The following UBAP2L variants were observed in gnomAD, a reference collection of about 807,000 sequenced individuals.
UBAP2L encodes ubiquitin-associated protein 2-like.
In UBAP2L, 12 loss-of-function variants were observed where a neutral mutation model predicts 130.6. That is an observed-to-expected ratio of 0.09 (90% CI 0.06 to 0.15). UBAP2L has a LOEUF of 0.15. UBAP2L is among the 10% of genes least tolerant of loss of function. The pLI, the probability that UBAP2L is intolerant of heterozygous loss-of-function variation, is 1.00. For synonymous variants in UBAP2L, 503 were observed against 524.7 expected, an observed-to-expected ratio of 0.96 and a Z score of 0.57; for missense variants, 965 against 1,332.5, an observed-to-expected ratio of 0.72 and a Z score of 4.29.
chr1:154,259,460 G>T (rs1680780397), intron 21 of UBAP2L, among the ~76,000 whole-genome samples: 1 of 151,848 alleles, frequency 6.6e-6, no homozygotes, highest in African/African-American at 2.4e-5. Context: ...CCTAAGTGCT[G>T]AGCTTATAGG....
intron 25 of UBAP2L, among the ~76,000 whole-genome samples, chr1:154,267,548 G>T (rs2149097205): frequency 6.6e-6 from 1 of 150,898 alleles, no homozygotes; most frequent in South Asian, 2.1e-4. Context: ...AAGTCACCCA[G>T]GCTGGAGTGC....
chr1:154,246,429 A>T, intron 11 of UBAP2L, 54 bp downstream of exon 11: 1 of 1,551,412 alleles, frequency 6.4e-7, no homozygotes, highest in Non-Finnish European at 8.8e-7. Context: ...ATCCTAGCAC[A>T]CATACACAGT....
At chr1:154,223,150 C>T (rs1167507254) in intron 1 of UBAP2L, among the ~76,000 whole-genome samples, 1 of 152,114 alleles carries the variant, frequency 6.6e-6, no homozygotes, top group African/African-American at 2.4e-5. Flanking sequence ...CATTTCGAAG[C>T]ACTTGTAAGA....
chr1:154,245,249 C>G (rs1422623975), intron 10 of UBAP2L, among the ~76,000 whole-genome samples: 1 of 152,142 alleles, frequency 6.6e-6, no homozygotes, highest in African/African-American at 2.4e-5. Context: ...AGTGACCAAC[C>G]CTCATCCTGA....
chr1:154,243,429 A>T, intron 10 of UBAP2L, 127 bp downstream of exon 10: 1 of 688,764 alleles, frequency 1.5e-6, no homozygotes, highest in Non-Finnish European at 2.3e-6. Flanking sequence ...ACATTACATC[A>T]TTACATTCCT....
At chr1:154,267,880 C>CTTTTTTTTT (rs869153080) in intron 25 of UBAP2L, among the ~76,000 whole-genome samples, 566 of 52,082 alleles carry the variant, frequency 0.011, 90 homozygotes, top group East Asian at 0.016. Flanking sequence ...CTTATTTGGT[C>CTTTTTTTTT]TTTTTTTTTT....
At chr1:154,220,685 A>G (rs1665590680), upstream of UBAP2L, 1 of 491,790 alleles carries the variant, frequency 2.0e-6, no homozygotes, top group East Asian at 3.6e-5. Context: ...CGACAGTAAG[A>G]GGAAGCGGCG....
Position 154,249,481 on chromosome 1 carries a change from A to G in UBAP2L, c.1213+44A>G, listed in dbSNP as rs770225980. ...ACTTGAATCTTTAAAGCATTGGAGCATTACTGTCAAGAGGCTAGCAGGGGG... is the reference window on the plus strand; with the variant it reads ...ACTTGAATCTTTAAAGCATTGGAGCGTTACTGTCAAGAGGCTAGCAGGGGG... On this transcript the variant is annotated intron_variant, in intron 12 of 26. Coordinates refer to ENST00000428931, the MANE Select transcript of UBAP2L (RefSeq NM_014847.4). The G allele has an allele frequency of 2.9e-5, 47 of 1,610,550 alleles. 1 individual carries two copies. In the South Asian group the frequency reaches 4.8e-4, roughly 17 times the overall value.
chr1:154,262,455 C>T (rs996784299), intron 24 of UBAP2L, among the ~76,000 whole-genome samples: 1 of 152,130 alleles, frequency 6.6e-6, no homozygotes, highest in Non-Finnish European at 1.5e-5. Context: ...TATAATTGTA[C>T]CTTTTCAGCG....
intron 8 of UBAP2L, among the ~76,000 whole-genome samples, chr1:154,241,026 T>C (rs1673402490): frequency 6.8e-6 from 1 of 147,558 alleles, no homozygotes; most frequent in Non-Finnish European, 1.5e-5. Context: ...CTCTGAGATA[T>C]CCTTTTCTAA....
intron 8 of UBAP2L, among the ~76,000 whole-genome samples, chr1:154,237,864 A>C (rs1191264683): frequency 6.6e-6 from 1 of 152,204 alleles, no homozygotes; most frequent in African/African-American, 2.4e-5. Context: ...GTATACACCT[A>C]AGATGTGTTT....
chr1:154,239,101 T>G (rs1298841620), intron 8 of UBAP2L, among the ~76,000 whole-genome samples: 1 of 152,122 alleles, frequency 6.6e-6, no homozygotes, highest in Non-Finnish European at 1.5e-5. Context: ...GTTTTCCTGA[T>G]AGCAAACTTG....
chr1:154,231,026 C>G (rs1669672684), intron 4 of UBAP2L, among the ~76,000 whole-genome samples: 1 of 152,158 alleles, frequency 6.6e-6, no homozygotes, highest in African/African-American at 2.4e-5. Flanking sequence ...CAGGGTTGTT[C>G]TAACTTACTG....
rs941111352 is a variant in UBAP2L, at chr1:154,261,440, A to C, written c.2797-152A>C. ...TGACTTCATTAGTAGATTCTAGAACAGTTAGTAAGGAGCTAATTTCACTAA... is the reference window on the plus strand; with the variant it reads ...TGACTTCATTAGTAGATTCTAGAACCGTTAGTAAGGAGCTAATTTCACTAA... On this transcript the variant is annotated intron_variant, in intron 23 of 26. Transcript: ENST00000428931. 6 of 765,338 alleles carry C rather than the reference A, an allele frequency of 7.8e-6. No individual in the cohort carries two copies. The African/African-American group carries it at 1.1e-4, about 13-fold the overall frequency. The allele number at this position is 765,338 out of a possible 1,614,324, so 47.4% of individuals were successfully genotyped here.
intron 1 of UBAP2L, among the ~76,000 whole-genome samples, chr1:154,222,539 GCTC>G (rs1666603328): frequency 1.3e-5 from 2 of 152,256 alleles, no homozygotes; most frequent in South Asian, 2.1e-4. Flanking sequence ...CATCTTTAAA[GCTC>G]CTCCTTGCTA....
At position 154,246,256 on chromosome 1, in the gene UBAP2L, T is replaced by A. The variant is rs1156363212; in HGVS notation, c.895T>A (p.Ser299Thr). ...GACACCATCTACAATGGAGAATGAT[T>A]CATCTAATCTGGATCCGTCTCAGGC... ...GKTPSTMENDSSNLDPSQAPS... is the reference protein window; with the variant it reads ...GKTPSTMENDTSNLDPSQAPS... Residue 299 changes from serine to threonine, a missense_variant, in exon 11 of 27, where the codon TCA (serine) becomes ACA (threonine). Physicochemically the swap from Ser to Thr is moderately conservative, Grantham distance 58. This residue lies in a region of UBAP2L where 99 missense variants were observed against 106.4 expected (regional missense o/e 0.93). Transcript: ENST00000428931. 1 of 1,613,646 alleles carries A rather than the reference T, an allele frequency of 6.2e-7. No homozygotes were observed. The highest frequency in any genetic ancestry group is 2.2e-5 in the East Asian group (1 of 44,894).
rs1680917494 is a variant in UBAP2L, at chr1:154,259,770, A to G, written c.2497-178A>G. 3.9e-6 allele frequency: 3 copies of G among 772,644 alleles called. No individual in the cohort carries two copies. In the Admixed American group the frequency reaches 5.2e-5, roughly 13 times the overall value. The allele number at this position is 772,644 out of a possible 1,614,324, so 47.9% of individuals were successfully genotyped here. A position where few individuals can be genotyped will look rare whatever the true frequency, so the allele number is the denominator to read the frequency against. ...TGTCTGACTGTGCTCATGGCCAGGCAGGGGGGACAGTGTATGCAAGAGTAA... is the reference window on the plus strand; with the variant it reads ...TGTCTGACTGTGCTCATGGCCAGGCGGGGGGGACAGTGTATGCAAGAGTAA... On this transcript the variant is annotated intron_variant, in intron 21 of 26. Coordinates refer to ENST00000428931, the MANE Select transcript of UBAP2L (RefSeq NM_014847.4).
Position 154,257,185 on chromosome 1 carries a change from T to A in UBAP2L, c.2280T>A (p.Ser760Arg). 4 of 1,614,218 alleles carry A rather than the reference T, an allele frequency of 2.5e-6. No individual in the cohort carries two copies. Among genetic ancestry groups the A allele is most frequent in the Non-Finnish European group, 3.4e-6 (4 of 1,180,034 alleles). Residue 760 changes from serine (S) to arginine (R), a missense_variant, in exon 19 of 27, where the codon AGT becomes AGA. Coordinates refer to ENST00000428931, the MANE Select transcript of UBAP2L (RefSeq NM_014847.4). Reference sequence around the variant, plus strand: ...TCTCCTCCAGTCTCAATAGTGGCAGTAGCCTGGGCCTCAGCCTAGGCAGCA... The same window carrying A: ...TCTCCTCCAGTCTCAATAGTGGCAGAAGCCTGGGCCTCAGCCTAGGCAGCA... ...VSVSSSLNSG[S>R]SLGLSLGSNS...
chr1:154,255,429 C>G, intron 17 of UBAP2L, 103 bp downstream of exon 17: 1 of 1,444,724 alleles, frequency 6.9e-7, no homozygotes, highest in Admixed American at 2.1e-5. Flanking sequence ...ATTAGCCCTG[C>G]TTTTGTCGTA....
Sources: allele counts gnomAD v4.1 joint callset (sites outside exome capture counted in the v4.1 genomes callset), GRCh38; gene constraint gnomAD v4.1.1; regional missense constraint gnomAD v4.1.1; transcripts MANE v1.5; gene names NCBI Gene and HGNC (gene_info 2026-07-23, HGNC 2026-07-21).